Variants in LINGO2 observed in about 807,000 individuals in gnomAD.
The protein encoded by LINGO2 is leucine-rich repeat and immunoglobulin-like domain-containing nogo receptor-interacting protein 2.
Under a neutral mutation model 30.6 loss-of-function variants are expected in LINGO2, and 14 were observed. The observed-to-expected ratio is 0.46, with a 90% CI of 0.30 to 0.72. The LOEUF (loss-of-function observed/expected upper bound fraction) is 0.72. Among genes scored for constraint, LINGO2 ranks in the 30% least tolerant of loss-of-function variants. The pLI, the probability that LINGO2 is intolerant of heterozygous loss-of-function variation, is 0.07. For synonymous variants in LINGO2, 317 were observed against 288.5 expected, an observed-to-expected ratio of 1.10 and a Z score of -1.00; for missense variants, 729 against 751.7, an observed-to-expected ratio of 0.97 and a Z score of 0.35.
chr9:29,198,573 TAGG>T, the LINGO2 span, among the ~76,000 whole-genome samples: 1 of 152,148 alleles, frequency 6.6e-6, no homozygotes, highest in African/African-American at 2.4e-5. Context: ...ACCAGTGTTG[TAGG>T]AGAATTCCAG....
At chr9:28,540,184 A>T (rs1249146736) in intron 1 of LINGO2, among the ~76,000 whole-genome samples, 1 of 151,912 alleles carries the variant, frequency 6.6e-6, no homozygotes, top group Non-Finnish European at 1.5e-5. Context: ...GGCTACACCT[A>T]TGGTGAACTC....
intron 1 of LINGO2, among the ~76,000 whole-genome samples, chr9:28,655,099 A>T (rs947835974): frequency 7.9e-5 from 12 of 152,074 alleles, no homozygotes; most frequent in Non-Finnish European, 1.3e-4. Context: ...TCTCATCCTG[A>T]AGGTGATTTC....
chr9:27,940,181 T>C, the LINGO2 span: 325 of 152,316 alleles, frequency 2.1e-3, 2 homozygotes, highest in African/African-American at 7.4e-3. Flanking sequence ...TTCTTAGTAA[T>C]AGATATGTAT....
intron 4 of LINGO2, among the ~76,000 whole-genome samples, chr9:28,104,255 G>GTTTTTTTTTTTTTT (rs1453019033): frequency 2.5e-4 from 19 of 75,166 alleles, no homozygotes; most frequent in East Asian, 1.0e-3. Flanking sequence ...CCCAGTACAA[G>GTTTTTTTTTTTTTT]TTTTTTGTTT....
chr9:27,944,320 T>C (rs1823281579), downstream of LINGO2: 1 of 152,176 alleles, frequency 6.6e-6, no homozygotes, highest in Admixed American at 6.6e-5. Flanking sequence ...TTAATTGAGC[T>C]AAAGAGCACA....
chr9:28,993,048 A>C, the LINGO2 span, among the ~76,000 whole-genome samples: 1 of 152,218 alleles, frequency 6.6e-6, no homozygotes, highest in East Asian at 1.9e-4. Flanking sequence ...GACACAAAAA[A>C]CCCTTCAAAA....
intron 3 of LINGO2, among the ~76,000 whole-genome samples, chr9:28,342,181 T>G (rs1331885): frequency 0.38 from 57,502 of 151,888 alleles, 11,397 homozygotes; most frequent in Admixed American, 0.44. Context: ...GCCACAAACC[T>G]CTCGCTGTCT....
chr9:28,243,197 C>T (rs1423801736), intron 4 of LINGO2, among the ~76,000 whole-genome samples: 9 of 152,042 alleles, frequency 5.9e-5, no homozygotes, highest in Admixed American at 5.2e-4. Context: ...GTAGCTCACG[C>T]CTGTAATCCT....
intron 1 of LINGO2, among the ~76,000 whole-genome samples, chr9:28,609,036 T>C (rs574311123): frequency 3.7e-4 from 56 of 152,064 alleles, no homozygotes; most frequent in Non-Finnish European, 6.3e-4. Flanking sequence ...CAAAATTCAA[T>C]ACAATCAGAT....
chr9:28,407,581 T>C (rs1822564445), intron 2 of LINGO2, among the ~76,000 whole-genome samples: 2 of 152,144 alleles, frequency 1.3e-5, no homozygotes. Flanking sequence ...CTTGGATTTG[T>C]TGCCAACACT....
At chr9:28,700,824 C>A in the LINGO2 span, among the ~76,000 whole-genome samples, 1 of 152,026 alleles carries the variant, frequency 6.6e-6, no homozygotes, top group African/African-American at 2.4e-5. Context: ...GTGTTGTCAC[C>A]ATTCTGGATT....
the LINGO2 span, among the ~76,000 whole-genome samples, chr9:28,736,521 T>A: frequency 6.8e-4 from 104 of 152,280 alleles, no homozygotes; most frequent in African/African-American, 2.3e-3. Context: ...CCGGGCGTGG[T>A]GGGTCACGCC....
At chr9:28,150,810 C>T (rs569553803) in intron 4 of LINGO2, among the ~76,000 whole-genome samples, 17 of 152,278 alleles carry the variant, frequency 1.1e-4, no homozygotes, top group South Asian at 2.1e-4. Flanking sequence ...ACCATCTCCA[C>T]GAGAACCCAC....
At chr9:28,304,248 G>GTA (rs143008292) in intron 3 of LINGO2, among the ~76,000 whole-genome samples, 9,066 of 148,918 alleles carry the variant, frequency 0.061, 589 homozygotes, top group African/African-American at 0.15. Context: ...AATTTAAAAT[G>GTA]TATATATATA....
At chr9:28,912,346 T>A in the LINGO2 span, among the ~76,000 whole-genome samples, 1 of 152,126 alleles carries the variant, frequency 6.6e-6, no homozygotes, top group African/African-American at 2.4e-5. Context: ...GTTCCTTTTT[T>A]TTCAGCCTAA....
At chr9:28,855,778 A>C in the LINGO2 span, among the ~76,000 whole-genome samples, 23 of 151,970 alleles carry the variant, frequency 1.5e-4, no homozygotes, top group Non-Finnish European at 2.2e-4. Context: ...ATCTGTCCCA[A>C]AAGCAATCTA....
At chr9:28,088,258 T>C (rs1445491641) in intron 4 of LINGO2, among the ~76,000 whole-genome samples, 2 of 150,806 alleles carry the variant, frequency 1.3e-5, no homozygotes, top group Non-Finnish European at 3.0e-5. Flanking sequence ...TTAGTACAAC[T>C]AATGGGTACA....
At chr9:28,862,636 T>C in the LINGO2 span, among the ~76,000 whole-genome samples, 1 of 152,082 alleles carries the variant, frequency 6.6e-6, no homozygotes, top group South Asian at 2.1e-4. Context: ...TCAATGATGA[T>C]GCAAAAGTAA....
chr9:28,939,238 C>G, the LINGO2 span, among the ~76,000 whole-genome samples: 3 of 152,086 alleles, frequency 2.0e-5, no homozygotes, highest in African/African-American at 7.2e-5. Flanking sequence ...ACGAAGAGAA[C>G]AGCCACTCCT....
Sources: allele counts gnomAD v4.1 joint callset (sites outside exome capture counted in the v4.1 genomes callset), GRCh38; gene constraint gnomAD v4.1.1; transcripts MANE v1.5; gene names NCBI Gene and HGNC (gene_info 2026-07-23, HGNC 2026-07-21).